Variants in MYH15 observed in about 807,000 individuals in gnomAD.
MYH15 encodes myosin heavy chain 15, also known as myosin-15.
Under a neutral mutation model 240.5 loss-of-function variants are expected in MYH15, and 227 were observed. The ratio of observed to expected loss-of-function variants is 0.94; its 90% CI spans 0.85 to 1.05. The LOEUF (loss-of-function observed/expected upper bound fraction) is 1.05. Ranked by LOEUF, MYH15 falls within the 50% of genes least tolerant of loss-of-function variation. MYH15 has a pLI of 0.00. For synonymous variants in MYH15, 785 were observed against 796.7 expected, an observed-to-expected ratio of 0.99 and a Z score of 0.25; for missense variants, 2,217 against 2,247.5, an observed-to-expected ratio of 0.99 and a Z score of 0.27.
At chr3:108,536,922 A>C in the MYH15 span, among the ~76,000 whole-genome samples, 1 of 152,150 alleles carries the variant, frequency 6.6e-6, no homozygotes, top group Non-Finnish European at 1.5e-5. Context: ...GATAGTGCAG[A>C]TCTCTCTTTT....
At chr3:108,427,162 G>A (rs192877028) in intron 27 of MYH15, among the ~76,000 whole-genome samples, 68 of 152,332 alleles carry the variant, frequency 4.5e-4, no homozygotes, top group African/African-American at 1.4e-3. Context: ...TTGAGTTGAC[G>A]CTGAAATGAC....
upstream of MYH15, among the ~76,000 whole-genome samples, chr3:108,529,562 T>C (rs1394730209): frequency 3.9e-5 from 6 of 152,186 alleles, no homozygotes; most frequent in African/African-American, 1.2e-4. Flanking sequence ...GCAAAACACA[T>C]TTTTTCAAAC....
At chr3:108,519,335 T>G (rs1179164699) in intron 1 of MYH15, among the ~76,000 whole-genome samples, 2 of 152,182 alleles carry the variant, frequency 1.3e-5, no homozygotes, top group Non-Finnish European at 2.9e-5. Context: ...AAAATAAAGG[T>G]ATTTAAGTCA....
chr3:108,513,239 G>A (rs1335529289), upstream of MYH15, among the ~76,000 whole-genome samples: 1 of 152,112 alleles, frequency 6.6e-6, no homozygotes, highest in African/African-American at 2.4e-5. Context: ...TTCTCTTAGA[G>A]GAAAAGTTCA....
rs781393721 is a variant in MYH15, at chr3:108,437,571, C to G, written c.3204G>C (p.Leu1068=). The G allele has an allele frequency of 6.2e-7, 1 of 1,613,422 alleles. No individual in the cohort carries two copies. Among genetic ancestry groups the G allele is most frequent in the Non-Finnish European group, 8.5e-7 (1 of 1,179,762 alleles). The part of the protein sequence containing the change: ...MENLESSQRH[L]AEELRKKELE... ...TGGCTTACTTCCTCAGCTCTTCTGCCAGGTGTCGCTGGCTGCTTTCCAGGT... is the reference window on the plus strand; with the variant it reads ...TGGCTTACTTCCTCAGCTCTTCTGCGAGGTGTCGCTGGCTGCTTTCCAGGT... The change falls in exon 25 of 41, where the codon CTG becomes CTC. Residue 1068 remains leucine (L), a synonymous_variant. Coordinates refer to ENST00000693548, the MANE Select transcript of MYH15 (RefSeq NM_014981.3).
the MYH15 span, among the ~76,000 whole-genome samples, chr3:108,543,187 T>A: frequency 6.6e-6 from 1 of 152,156 alleles, no homozygotes. Context: ...TCAATCTCAT[T>A]CCTTTTTATG....
chr3:108,536,411 G>A, the MYH15 span, among the ~76,000 whole-genome samples: 192 of 152,338 alleles, frequency 1.3e-3, no homozygotes, highest in African/African-American at 4.3e-3. Context: ...GATTTCTACA[G>A]CTCATTGGCC....
At chr3:108,395,585 T>G (rs2107538597) in intron 35 of MYH15, among the ~76,000 whole-genome samples, 1 of 152,160 alleles carries the variant, frequency 6.6e-6, no homozygotes, top group African/African-American at 2.4e-5. Context: ...GAGACAAGGG[T>G]TTAAATCTTT....
Position 108,495,795 on chromosome 3 carries a change from G to C in MYH15, c.696C>G (p.Asp232Glu). 6.2e-7 allele frequency: 1 copy of C among 1,611,454 alleles called. No individual in the cohort carries two copies. Among genetic ancestry groups the C allele is most frequent in the Non-Finnish European group, 8.5e-7 (1 of 1,178,656 alleles). ...AFGNAKTLRNDNSSRFGKFIR... is the reference protein window; with the variant it reads ...AFGNAKTLRNENSSRFGKFIR... Reference sequence around the variant, plus strand: ...TGTTACTTACAAAACGAGAGGAGTTGTCATTTCTCAGGGTTTTAGCATTTC... The same window carrying C: ...TGTTACTTACAAAACGAGAGGAGTTCTCATTTCTCAGGGTTTTAGCATTTC... The change falls in exon 7 of 41, where the codon GAC (aspartate) becomes GAG (glutamate). Residue 232 changes from aspartate (D) to glutamate (E), a missense_variant. Asp to Glu is a conservative substitution (Grantham distance 45). Coordinates refer to ENST00000693548, the MANE Select transcript of MYH15 (RefSeq NM_014981.3).
At chr3:108,437,503 C>A (rs1479182912) in intron 25 of MYH15, 51 bp downstream of exon 25, 3 of 1,568,156 alleles carry the variant, frequency 1.9e-6, no homozygotes, top group Non-Finnish European at 2.6e-6. Flanking sequence ...AAAGCTGTTC[C>A]TTCTAATATA....
At chr3:108,531,699 C>T (rs1378192193), upstream of MYH15, among the ~76,000 whole-genome samples, 1 of 151,848 alleles carries the variant, frequency 6.6e-6, no homozygotes, top group Non-Finnish European at 1.5e-5. Context: ...ATGGTGTGAA[C>T]CCGGGAGGCA....
intron 40 of MYH15, 72 bp downstream of exon 40, chr3:108,383,523 G>T: frequency 6.7e-7 from 1 of 1,496,426 alleles, no homozygotes; most frequent in South Asian, 1.3e-5. Flanking sequence ...TTGTTATACT[G>T]GTCCATGCAA....
chr3:108,547,864 A>G, the MYH15 span, among the ~76,000 whole-genome samples: 1 of 152,206 alleles, frequency 6.6e-6, no homozygotes, highest in Non-Finnish European at 1.5e-5. Flanking sequence ...TGGAAGAGAA[A>G]CAGCCTATAT....
chr3:108,473,008 T>A (rs1390495312), intron 12 of MYH15, among the ~76,000 whole-genome samples: 3 of 152,152 alleles, frequency 2.0e-5, no homozygotes, highest in African/African-American at 4.8e-5. Flanking sequence ...AAATAGTTAA[T>A]CTTTTTTGTT....
At chr3:108,543,604 A>G in the MYH15 span, 1 of 152,286 alleles carries the variant, frequency 6.6e-6, no homozygotes. Flanking sequence ...CACAGATACC[A>G]AAGGTCCGGG....
intron 36 of MYH15, 23 bp downstream of exon 36, chr3:108,394,008 G>A (rs1310076269): frequency 6.2e-7 from 1 of 1,612,986 alleles, no homozygotes; most frequent in Non-Finnish European, 8.5e-7. Context: ...AGACAGGATT[G>A]AGTACGTGGT....
intron 38 of MYH15, 129 bp downstream of exon 38, chr3:108,388,841 T>G: frequency 2.8e-6 from 2 of 702,858 alleles, no homozygotes; most frequent in Non-Finnish European, 4.7e-6. Context: ...AGTCAGTGTC[T>G]ACTGCTGAAG....
intron 27 of MYH15, among the ~76,000 whole-genome samples, chr3:108,423,380 C>G (rs2082699534): frequency 1.3e-5 from 2 of 152,112 alleles, no homozygotes; most frequent in South Asian, 2.1e-4. Flanking sequence ...TACAGCACAC[C>G]CAAGCTTGGT....
At chr3:108,501,287 A>C (rs550923776) in intron 3 of MYH15, among the ~76,000 whole-genome samples, 4 of 152,340 alleles carry the variant, frequency 2.6e-5, no homozygotes, top group South Asian at 4.1e-4. Context: ...AAGATGATGA[A>C]GAAATCATCT....
Sources: allele counts gnomAD v4.1 joint callset (sites outside exome capture counted in the v4.1 genomes callset), GRCh38; gene constraint gnomAD v4.1.1; transcripts MANE v1.5; gene names NCBI Gene and HGNC (gene_info 2026-07-23, HGNC 2026-07-21).